ZFPM2: variants seen among roughly 807,000 people sequenced by gnomAD.
ZFPM2 encodes the protein zinc finger protein, FOG family member 2.
Under a neutral mutation model 98.6 loss-of-function variants are expected in ZFPM2, and 20 were observed. That is an observed-to-expected ratio of 0.20 (90% CI 0.14 to 0.29). The LOEUF (loss-of-function observed/expected upper bound fraction) is 0.29, where lower values mean the gene tolerates loss of function less well. Among genes scored for constraint, ZFPM2 ranks in the 10% least tolerant of loss-of-function variants. The pLI is 1.00. For synonymous variants in ZFPM2, 518 were observed against 502.7 expected, an observed-to-expected ratio of 1.03 and a Z score of -0.41; for missense variants, 1,310 against 1,388.6, an observed-to-expected ratio of 0.94 and a Z score of 0.90.
intron 4 of ZFPM2, among the ~76,000 whole-genome samples, chr8:105,592,220 T>C (rs1392355460): frequency 6.6e-6 from 1 of 151,950 alleles, no homozygotes; most frequent in African/African-American, 2.4e-5. Flanking sequence ...CCTGGGAATC[T>C]TTTTTTTCCT....
intron 5 of ZFPM2, among the ~76,000 whole-genome samples, chr8:105,718,654 T>G (rs1811583062): frequency 6.6e-6 from 1 of 152,038 alleles, no homozygotes; most frequent in African/African-American, 2.4e-5. Context: ...TACGCATTTT[T>G]TTTTCTTTTT....
At chr8:105,481,940 T>C (rs1383029217) in intron 3 of ZFPM2, among the ~76,000 whole-genome samples, 1 of 152,182 alleles carries the variant, frequency 6.6e-6, no homozygotes, top group Non-Finnish European at 1.5e-5. Flanking sequence ...TGAATTTGAC[T>C]TCTGAGTAAA....
chr8:105,631,472 G>C (rs1312004469), intron 4 of ZFPM2, among the ~76,000 whole-genome samples: 1 of 152,120 alleles, frequency 6.6e-6, no homozygotes, highest in African/African-American at 2.4e-5. Flanking sequence ...GTTATAGACT[G>C]TTCAGCCTTT....
chr8:105,564,358 A>G (rs1263433190), intron 4 of ZFPM2, among the ~76,000 whole-genome samples: 1 of 151,978 alleles, frequency 6.6e-6, no homozygotes, highest in Non-Finnish European at 1.5e-5. Flanking sequence ...AAAATACAGC[A>G]TTTTTCCTTA....
chr8:105,421,187 A>C (rs1353037944), intron 2 of ZFPM2, among the ~76,000 whole-genome samples: 2 of 152,176 alleles, frequency 1.3e-5, no homozygotes, highest in African/African-American at 4.8e-5. Context: ...TTTAGGAATT[A>C]AGAAAAAACA....
intron 1 of ZFPM2, among the ~76,000 whole-genome samples, chr8:105,333,342 A>G (rs1288394560): frequency 6.6e-6 from 1 of 151,746 alleles, no homozygotes; most frequent in Non-Finnish European, 1.5e-5. Flanking sequence ...CACATGCAAA[A>G]ATGAATGAAC....
chr8:105,476,827 G>A (rs1813021484), intron 3 of ZFPM2, among the ~76,000 whole-genome samples: 1 of 151,748 alleles, frequency 6.6e-6, no homozygotes, highest in African/African-American at 2.4e-5. Context: ...GGTGATTGGG[G>A]GTACTAGGGA....
intron 3 of ZFPM2, among the ~76,000 whole-genome samples, chr8:105,460,791 GA>G (rs34141914): frequency 0.64 from 96,513 of 149,990 alleles, 30,818 homozygotes; most frequent in East Asian, 0.78. Context: ...ATCCTGAAAA[GA>G]AAAAAAAAAT....
intron 3 of ZFPM2, among the ~76,000 whole-genome samples, chr8:105,453,271 C>G (rs1185381214): frequency 3.9e-5 from 6 of 152,118 alleles, no homozygotes; most frequent in Non-Finnish European, 5.9e-5. Context: ...AGTGTATGTT[C>G]TACCAGAAAT....
At chr8:105,343,087 G>A (rs1378786102) in intron 1 of ZFPM2, among the ~76,000 whole-genome samples, 1 of 152,092 alleles carries the variant, frequency 6.6e-6, no homozygotes, top group Non-Finnish European at 1.5e-5. Context: ...GCAAAGCTCT[G>A]TGTAGGCTGG....
chr8:105,441,482 G>GAAAGAAAGAAAGAAAGAAAA (rs57419492), intron 2 of ZFPM2, among the ~76,000 whole-genome samples: 9,211 of 85,584 alleles, frequency 0.11, 1,734 homozygotes, highest in East Asian at 0.15. Flanking sequence ...AAGAAAGAAA[G>GAAAGAAAGAAAGAAAGAAAA]AAAGAAAGAA....
At chr8:105,677,097 A>C (rs532017195) in intron 5 of ZFPM2, among the ~76,000 whole-genome samples, 1 of 152,236 alleles carries the variant, frequency 6.6e-6, no homozygotes, top group Admixed American at 6.5e-5. Flanking sequence ...AGAACAACAC[A>C]GCTTACATCA....
chr8:105,578,827 A>G (rs1352409610), intron 4 of ZFPM2, among the ~76,000 whole-genome samples: 1 of 152,164 alleles, frequency 6.6e-6, no homozygotes, highest in Non-Finnish European at 1.5e-5. Context: ...ATTGAATGCA[A>G]TTGAATATAC....
chr8:105,533,954 T>C (rs1454828385), intron 3 of ZFPM2, among the ~76,000 whole-genome samples: 1 of 7,492 alleles, frequency 1.3e-4, no homozygotes, highest in Non-Finnish European at 2.1e-4. Flanking sequence ...CTTCTTTCCT[T>C]CCTCCCTCCC....
chr8:105,373,605 C>A (rs1810665953), intron 1 of ZFPM2, among the ~76,000 whole-genome samples: 2 of 151,932 alleles, frequency 1.3e-5, no homozygotes, highest in Non-Finnish European at 2.9e-5. Flanking sequence ...AGAGTGCTAA[C>A]AAAATGGAAG....
chr8:105,735,244 G>A lies in ZFPM2; in HGVS notation c.533-53474G>A, dbSNP rs578047807. ...ACAAAGAATAGAAAATGTGTGATTTGTTAGCATTATTTATTGAAAATATTA... is the reference window on the plus strand; with the variant it reads ...ACAAAGAATAGAAAATGTGTGATTTATTAGCATTATTTATTGAAAATATTA... On this transcript the variant is annotated intron_variant, in intron 5 of 7. Coordinates refer to ENST00000407775, the MANE Select transcript of ZFPM2 (RefSeq NM_012082.4). Among the ~76,000 whole-genome samples, 3 of 150,960 alleles carry A rather than the reference G, an allele frequency of 2.0e-5. No individual in the cohort carries two copies. The South Asian group carries it at 6.2e-4, about 31-fold the overall frequency.
At chr8:105,700,086 C>T (rs1211530048) in intron 5 of ZFPM2, among the ~76,000 whole-genome samples, 2 of 152,118 alleles carry the variant, frequency 1.3e-5, no homozygotes, top group Non-Finnish European at 2.9e-5. Context: ...TGGAATACTA[C>T]CCCACAAAAC....
At chr8:105,636,041 T>C (rs978135310) in intron 5 of ZFPM2, among the ~76,000 whole-genome samples, 1 of 152,150 alleles carries the variant, frequency 6.6e-6, no homozygotes, top group African/African-American at 2.4e-5. Flanking sequence ...TAATGGTAAT[T>C]CTATACAATA....
chr8:105,494,476 C>T (rs538091350), intron 3 of ZFPM2, among the ~76,000 whole-genome samples: 24 of 151,872 alleles, frequency 1.6e-4, no homozygotes, highest in East Asian at 1.2e-3. Flanking sequence ...TCATTTTTCC[C>T]TTTGAATTTA....
Sources: allele counts gnomAD v4.1 joint callset (sites outside exome capture counted in the v4.1 genomes callset), GRCh38; gene constraint gnomAD v4.1.1; transcripts MANE v1.5; gene names NCBI Gene and HGNC (gene_info 2026-07-23, HGNC 2026-07-21).